Variants in ATRX observed in about 807,000 individuals in gnomAD.
The protein encoded by ATRX is chromatin remodeler ATRX.
Under a neutral mutation model 172.6 loss-of-function variants are expected in ATRX, and 12 were observed. The observed-to-expected ratio is 0.07, with a 90% CI of 0.04 to 0.11. The LOEUF is 0.11. Ranked by LOEUF, ATRX falls within the 10% of genes least tolerant of loss-of-function variation. The probability of loss-of-function intolerance (pLI) is 1.00; values close to 1 mark genes in which losing one functional copy is unlikely to be tolerated. For missense variants in ATRX, 1,368 were observed against 1,767.4 expected (o/e 0.77, Z 4.05); for synonymous variants, 674 against 594.7 (o/e 1.13, Z -1.94).
rs782548527 is a variant in ATRX at position 77,557,653 on chromosome X, A to G, written c.6505-8T>C. 4 of 1,190,286 alleles carry G rather than the reference A, an allele frequency of 3.4e-6. No individual in the cohort carries two copies. The African/African-American group carries it at 7.1e-5, about 21-fold the overall frequency. ...CTTATCTTCCATGGTTCCCTTTGTAAAAAGAAGGAAGAATATACAAAAAAA... is the reference window on the plus strand; with the variant it reads ...CTTATCTTCCATGGTTCCCTTTGTAGAAAGAAGGAAGAATATACAAAAAAA... On this transcript the variant is annotated splice_region_variant and splice_polypyrimidine_tract_variant and intron_variant, in intron 29 of 34. Coordinates refer to ENST00000373344, the MANE Select transcript of ATRX (RefSeq NM_000489.6).
intron 27 of ATRX, among the ~76,000 whole-genome samples, chrX:77,577,410 T>A (rs1264944541): frequency 1.8e-5 from 2 of 111,458 alleles, no homozygotes; most frequent in Non-Finnish European, 3.8e-5. Context: ...CATTTGTATA[T>A]CATTTTTAGA....
chrX:77,683,247 G>A lies in ATRX; in HGVS notation c.2009C>T (p.Thr670Ile), dbSNP rs781797239. 6 of 1,210,891 alleles carry A rather than the reference G, an allele frequency of 5.0e-6. No homozygotes were observed. In the Admixed American group the frequency reaches 1.3e-4, roughly 26 times the overall value. ...ATCTGAATTAGATGTTACAGGGTTAGTTTCTGTCGGTCGCCTCAAGGGTGT... is the reference window on the plus strand; with the variant it reads ...ATCTGAATTAGATGTTACAGGGTTAATTTCTGTCGGTCGCCTCAAGGGTGT... ...KTTPLRRPTE[T>I]NPVTSNSDEE... Residue 670 changes from threonine to isoleucine, a missense_variant, in exon 9 of 35, where the codon ACT becomes ATT. By Grantham distance (89) the Thr-to-Ile change is moderately conservative (BLOSUM62 -1). This residue lies in a region of ATRX where 843 missense variants were observed against 643.1 expected (regional missense o/e 1.31). Transcript: ENST00000373344.
chrX:77,718,925 T>C (rs887520758), intron 1 of ATRX, among the ~76,000 whole-genome samples: 47 of 110,714 alleles, frequency 4.2e-4, no homozygotes, highest in Admixed American at 7.8e-4. Flanking sequence ...ATGTTCTTAG[T>C]TGAGGAAGTG....
intron 30 of ATRX, among the ~76,000 whole-genome samples, chrX:77,530,470 G>A (rs782202392): frequency 1.3e-4 from 14 of 110,603 alleles, no homozygotes; most frequent in East Asian, 2.8e-4. Flanking sequence ...TTAGCCAGGC[G>A]TGGTGGCAGG....
intron 15 of ATRX, among the ~76,000 whole-genome samples, chrX:77,645,463 A>G (rs2068867457): frequency 8.9e-6 from 1 of 111,835 alleles, no homozygotes; most frequent in Non-Finnish European, 1.9e-5. Flanking sequence ...TATACCCAGC[A>G]AAATTATCCT....
intron 1 of ATRX, among the ~76,000 whole-genome samples, chrX:77,775,481 G>C (rs1425300051): frequency 9.1e-6 from 1 of 110,469 alleles, no homozygotes; most frequent in Non-Finnish European, 1.9e-5. Context: ...CCAGGAGTTC[G>C]ATACCAGCCT....
intron 34 of ATRX, among the ~76,000 whole-genome samples, chrX:77,519,843 G>A (rs1414153166): frequency 9.0e-6 from 1 of 111,439 alleles, no homozygotes; most frequent in East Asian, 2.8e-4. Context: ...ATATTGAAGA[G>A]GTAGCTGCAC....
rs782607631 is a variant in ATRX, at chrX:77,574,879, GGTGTGTGTGTATGTGTGT to G, written c.6218-539_6218-522del. Among the ~76,000 whole-genome samples, 3 of 109,529 alleles carry G rather than the reference GGTGTGTGTGTATGTGTGT, an allele frequency of 2.7e-5. No homozygotes were observed. The East Asian group carries it at 8.5e-4, about 31-fold the overall frequency. ...CAGTGTACGTTTCCATTTCAAATGTGGTGTGTGTGTATGTGTGTGTGTGTGTGTAAAGGAGTACGACTT... is the reference window on the plus strand; with the variant it reads ...CAGTGTACGTTTCCATTTCAAATGTGGTGTGTGTGTAAAGGAGTACGACTT... On this transcript the variant is annotated intron_variant, in intron 27 of 34. Transcript: ENST00000373344.
intron 9 of ATRX, among the ~76,000 whole-genome samples, chrX:77,677,729 C>CA (rs1187869172): frequency 2.3e-4 from 23 of 101,714 alleles, no homozygotes; most frequent in Middle Eastern, 0.01. Flanking sequence ...GCTAAAAAGG[C>CA]AAAAAAAAGA....
intron 1 of ATRX, among the ~76,000 whole-genome samples, chrX:77,783,324 C>T (rs2076628836): frequency 8.9e-6 from 1 of 111,749 alleles, no homozygotes; most frequent in Admixed American, 9.6e-5. Flanking sequence ...TATAAAAGAC[C>T]TTATCTTTTA....
At position 77,633,502 on chromosome X, in the gene ATRX, AAT is replaced by A. The variant is rs782196091; in HGVS notation, c.4956+62_4956+63del. 120 of 1,123,170 alleles carry A rather than the reference AAT, an allele frequency of 1.1e-4. No individual in the cohort carries two copies. In the African/African-American group the frequency reaches 2.0e-3, roughly 18 times the overall value. The allele number at this position is 1,123,170 out of a possible 1,213,427, so 92.6% of individuals were successfully genotyped here. ...ACATTAAAAATTAAAAAAAATTAAAAATAGTTTACTATATGAATTTCATGTGA... is the reference window on the plus strand; with the variant it reads ...ACATTAAAAATTAAAAAAAATTAAAAAGTTTACTATATGAATTTCATGTGA... On this transcript the variant is annotated intron_variant, in intron 18 of 34. Transcript: ENST00000373344.
chrX:77,550,289 C>G (rs1277938566), intron 30 of ATRX, among the ~76,000 whole-genome samples: 2 of 111,906 alleles, frequency 1.8e-5, no homozygotes, highest in Non-Finnish European at 3.8e-5. Context: ...GGCTTCATCC[C>G]TGGGATGCAA....
Position 77,634,632 on chromosome X carries a change from T to G in ATRX, c.4771A>C (p.Ile1591Leu). 2 of 1,211,688 alleles carry G rather than the reference T, an allele frequency of 1.7e-6. No homozygotes were observed. The highest frequency in any genetic ancestry group is 2.2e-6 in the Non-Finnish European group (2 of 895,306). Residue 1591 changes from isoleucine (I) to leucine (L), a missense_variant, in exon 17 of 35, where the codon ATT (isoleucine) becomes CTT (leucine). Transcript: ENST00000373344. ...CCAAGGCCCATACAGTGGGCAAGAA[T>G]GCATCCTGAACCTGGAGATTTCTTT... ...KTKKSPGSGC[I>L]LAHCMGLGKT...
intron 15 of ATRX, among the ~76,000 whole-genome samples, chrX:77,639,144 CCTT>C (rs1312775293): frequency 2.7e-5 from 3 of 112,058 alleles, no homozygotes; most frequent in Non-Finnish European, 5.6e-5. Context: ...AATCCCCTCA[CCTT>C]CTGAGTATGG....
At position 77,720,341 on chromosome X, in the gene ATRX, CAA is replaced by C. The variant is rs782248541; in HGVS notation, c.21-3100_21-3099del. ...AAATAACTAAGATCAGAGAAGAACTCAAAGAGATAGAGACAGGAAAAACCCTT... is the reference window on the plus strand; with the variant it reads ...AAATAACTAAGATCAGAGAAGAACTCAGAGATAGAGACAGGAAAAACCCTT... On this transcript the variant is annotated intron_variant, in intron 1 of 34. Transcript: ENST00000373344. Among the ~76,000 whole-genome samples the C allele has an allele frequency of 4.4e-3, 494 of 111,214 alleles. 5 individuals are homozygous for C. Among genetic ancestry groups the C allele is most frequent in the African/African-American group, 0.015 (466 of 30,646 alleles).
At chrX:77,627,947 C>A (rs1253286524) in intron 19 of ATRX, among the ~76,000 whole-genome samples, 4 of 111,279 alleles carry the variant, frequency 3.6e-5, no homozygotes, top group Non-Finnish European at 7.5e-5. Context: ...AAACTTAATT[C>A]CCAAACAATG....
chrX:77,626,337 T>C (rs1419905204), intron 19 of ATRX, among the ~76,000 whole-genome samples: 6 of 107,741 alleles, frequency 5.6e-5, no homozygotes, highest in Non-Finnish European at 1.9e-5. Flanking sequence ...GTGTAGCATA[T>C]ACTGCTCGGG....
At position 77,676,280 on chromosome X, in the gene ATRX, T is replaced by G; in HGVS notation, c.3755A>C (p.Lys1252Thr). ...CQSSGDEALS[K>T]SVPVTVDDDD... ...ATCATCCACTGTGACAGGCACTGATTTAGATAAGGCTTCATCTCCTTGAGG... is the reference window on the plus strand; with the variant it reads ...ATCATCCACTGTGACAGGCACTGATGTAGATAAGGCTTCATCTCCTTGAGG... Residue 1252 changes from lysine to threonine, a missense_variant, in exon 10 of 35, where the codon AAA (lysine) becomes ACA (threonine). This residue lies in a region of ATRX where 9 missense variants were observed against 25.2 expected (regional missense o/e 0.36). Transcript: ENST00000373344. 1 of 1,206,969 alleles carries G rather than the reference T, an allele frequency of 8.3e-7. No homozygotes were observed. Among genetic ancestry groups the G allele is most frequent in the Non-Finnish European group, 1.1e-6 (1 of 891,989 alleles).
chrX:77,722,593 C>T (rs782068226), intron 1 of ATRX, among the ~76,000 whole-genome samples: 18 of 111,622 alleles, frequency 1.6e-4, no homozygotes, highest in African/African-American at 5.9e-4. Context: ...TGAAAAAAAA[C>T]TCATCATCAC....
Sources: allele counts gnomAD v4.1 joint callset (sites outside exome capture counted in the v4.1 genomes callset), GRCh38; gene constraint gnomAD v4.1.1; regional missense constraint gnomAD v4.1.1; transcripts MANE v1.5; gene names NCBI Gene and HGNC (gene_info 2026-07-23, HGNC 2026-07-21).